The following GALNT17 variants were observed in gnomAD, a reference collection of about 807,000 sequenced individuals.
The protein encoded by GALNT17 is UDP-GalNAc:polypeptide N-acetylgalactosaminyltransferase-like 3.
In GALNT17, 29 loss-of-function variants were observed where a neutral mutation model predicts 63.7. That is an observed-to-expected ratio of 0.46 (90% CI 0.34 to 0.62). The LOEUF (loss-of-function observed/expected upper bound fraction) is 0.62, where lower values mean the gene tolerates loss of function less well. GALNT17 is among the 20% of genes least tolerant of loss of function. The probability of loss-of-function intolerance (pLI) is 0.01; values close to 1 mark genes in which losing one functional copy is unlikely to be tolerated. For missense variants in GALNT17, 603 were observed against 799.6 expected, an observed-to-expected ratio of 0.75 and a Z score of 2.97; for synonymous variants, 305 against 318.3, an observed-to-expected ratio of 0.96 and a Z score of 0.45.
At chr7:71,581,215 A>T (rs544279937) in intron 6 of GALNT17, among the ~76,000 whole-genome samples, 32 of 152,320 alleles carry the variant, frequency 2.1e-4, no homozygotes, top group African/African-American at 7.7e-4. Flanking sequence ...GCTGGAGTAC[A>T]GTGGCTCAAT....
intron 1 of GALNT17, among the ~76,000 whole-genome samples, chr7:71,134,720 G>A (rs1033879247): frequency 2.0e-5 from 3 of 151,984 alleles, no homozygotes; most frequent in Non-Finnish European, 4.4e-5. Flanking sequence ...TTATAATTTG[G>A]GATAGATTCC....
chr7:71,540,698 C>T (rs546690344), intron 5 of GALNT17, among the ~76,000 whole-genome samples: 9 of 152,204 alleles, frequency 5.9e-5, no homozygotes, highest in African/African-American at 2.2e-4. Context: ...TGGGCCACCT[C>T]CCTAGGAGTA....
intron 9 of GALNT17, among the ~76,000 whole-genome samples, chr7:71,693,809 T>TA (rs1253508072): frequency 5.4e-4 from 48 of 89,634 alleles, no homozygotes; most frequent in African/African-American, 1.4e-3. Context: ...CCCTGCACTT[T>TA]AAAAAAAGTT....
chr7:71,489,109 G>C (rs981116221), intron 5 of GALNT17, among the ~76,000 whole-genome samples: 1 of 151,460 alleles, frequency 6.6e-6, no homozygotes, highest in Non-Finnish European at 1.5e-5. Flanking sequence ...GGTCAGGCTG[G>C]TCTTGAACTC....
At chr7:71,443,326 G>A (rs776856612) in intron 5 of GALNT17, among the ~76,000 whole-genome samples, 6 of 152,084 alleles carry the variant, frequency 3.9e-5, no homozygotes, top group Non-Finnish European at 8.8e-5. Flanking sequence ...GTCTTTACAC[G>A]CACTGTTTCT....
At chr7:71,524,221 T>TTATATTATATTATATATATAATAATAATA (rs1363080580) in intron 5 of GALNT17, among the ~76,000 whole-genome samples, 24 of 146,676 alleles carry the variant, frequency 1.6e-4, no homozygotes, top group South Asian at 1.1e-3. Flanking sequence ...TTAACTATTA[T>TTATATTATATTATATATATAATAATAATA]TATATTATAT....
chr7:71,672,173 A>G (rs1472505002), intron 8 of GALNT17, among the ~76,000 whole-genome samples: 1 of 152,262 alleles, frequency 6.6e-6, no homozygotes, highest in African/African-American at 2.4e-5. Context: ...GAAGAATCAA[A>G]CAATGGGCAG....
chr7:71,254,862 G>A (rs556962298), intron 1 of GALNT17, among the ~76,000 whole-genome samples: 7 of 152,302 alleles, frequency 4.6e-5, no homozygotes, highest in South Asian at 2.1e-4. Flanking sequence ...CTGCTACTGC[G>A]GCTTTCACTG....
At chr7:71,185,215 C>G (rs1194990328) in intron 1 of GALNT17, among the ~76,000 whole-genome samples, 2 of 143,880 alleles carry the variant, frequency 1.4e-5, no homozygotes, top group Non-Finnish European at 3.0e-5. Flanking sequence ...CTGTCTCTCT[C>G]TCTTTCTTCA....
intron 3 of GALNT17, among the ~76,000 whole-genome samples, chr7:71,389,692 C>T (rs1222087660): frequency 6.6e-6 from 1 of 152,116 alleles, no homozygotes; most frequent in East Asian, 1.9e-4. Context: ...CTCCACTCCC[C>T]ACCCCGCACC....
intron 1 of GALNT17, among the ~76,000 whole-genome samples, chr7:71,293,894 T>G (rs924991765): frequency 2.6e-5 from 4 of 152,182 alleles, no homozygotes; most frequent in Admixed American, 2.6e-4. Context: ...GCATGGTGGC[T>G]CACGCCTGTA....
At chr7:71,483,358 T>G (rs1320617889) in intron 5 of GALNT17, among the ~76,000 whole-genome samples, 2 of 151,938 alleles carry the variant, frequency 1.3e-5, no homozygotes, top group Non-Finnish European at 2.9e-5. Flanking sequence ...TAATCCCAGC[T>G]ACTCTGGAGG....
intron 3 of GALNT17, among the ~76,000 whole-genome samples, chr7:71,388,916 T>C (rs1183627673): frequency 2.0e-5 from 3 of 152,124 alleles, no homozygotes; most frequent in Non-Finnish European, 4.4e-5. Flanking sequence ...CCCAGGGCCA[T>C]GGACCAATAG....
At chr7:71,662,214 A>G (rs548705216) in intron 6 of GALNT17, among the ~76,000 whole-genome samples, 60 of 152,002 alleles carry the variant, frequency 3.9e-4, no homozygotes, top group African/African-American at 1.4e-3. Context: ...TGTGTCTGTC[A>G]TCCCTGCTAA....
chr7:71,233,074 G>A (rs1412925134), intron 1 of GALNT17, among the ~76,000 whole-genome samples: 1 of 152,182 alleles, frequency 6.6e-6, no homozygotes, highest in Non-Finnish European at 1.5e-5. Flanking sequence ...GAGAGCTGAA[G>A]AAGGGCTTCT....
At chr7:71,307,331 A>G (rs1020498635) in intron 1 of GALNT17, among the ~76,000 whole-genome samples, 1 of 151,952 alleles carries the variant, frequency 6.6e-6, no homozygotes, top group Admixed American at 6.6e-5. Context: ...AGCCATTTTA[A>G]TGGGTGTGAG....
At chr7:71,683,087 A>G (rs1285241927) in intron 9 of GALNT17, among the ~76,000 whole-genome samples, 2 of 152,020 alleles carry the variant, frequency 1.3e-5, no homozygotes, top group Non-Finnish European at 2.9e-5. Flanking sequence ...CATGGAGCTG[A>G]TTAGATTGAG....
chr7:71,219,735 A>C (rs1489045805), intron 1 of GALNT17, among the ~76,000 whole-genome samples: 1 of 152,058 alleles, frequency 6.6e-6, no homozygotes, highest in African/African-American at 2.4e-5. Context: ...CCTTGCTCCA[A>C]GTGTATTTTA....
intron 6 of GALNT17, among the ~76,000 whole-genome samples, chr7:71,652,274 A>C (rs1260609722): frequency 6.6e-6 from 1 of 152,062 alleles, no homozygotes; most frequent in Non-Finnish European, 1.5e-5. Context: ...ACTTAAATTG[A>C]GATATGTCTT....
Sources: gnomAD v4.1 joint callset for allele counts (sites outside exome capture counted in the v4.1 genomes callset) on GRCh38, gnomAD v4.1.1 for gene constraint, MANE v1.5 for transcripts, NCBI Gene and HGNC (gene_info 2026-07-23, HGNC 2026-07-21) for gene names.